Variants in COPA observed in about 807,000 individuals in gnomAD.
COPA encodes coat protein complex I subunit alpha, also known as coatomer subunit alpha.
COPA carries 10 observed loss-of-function variants against 158.7 expected under a neutral mutation model. The observed-to-expected ratio is 0.06, with a 90% CI of 0.04 to 0.11. The LOEUF is 0.11. Ranked by LOEUF, COPA falls within the 10% of genes least tolerant of loss-of-function variation. The pLI, the probability that COPA is intolerant of heterozygous loss-of-function variation, is 1.00. For synonymous variants in COPA, 462 were observed against 542.8 expected, an observed-to-expected ratio of 0.85 and a Z score of 2.07; for missense variants, 1,065 against 1,536.7, an observed-to-expected ratio of 0.69 and a Z score of 5.13.
chr1:160,339,780 T>C (rs534000909), intron 3 of COPA, 129 bp downstream of exon 3: 2 of 747,308 alleles, frequency 2.7e-6, no homozygotes, highest in Non-Finnish European at 4.4e-6. Context: ...GAGTAAGTTC[T>C]CCGGATAATG....
At chr1:160,290,444 TCCCC>T in intron 32 of COPA, 44 bp downstream of exon 32, 1 of 1,572,568 alleles carries the variant, frequency 6.4e-7, no homozygotes, top group Non-Finnish European at 8.7e-7. Flanking sequence ...TCTTTCTTTT[TCCCC>T]TTCGCTCAAT....
At chr1:160,321,964 C>T (rs1026636470) in intron 8 of COPA, among the ~76,000 whole-genome samples, 5 of 151,908 alleles carry the variant, frequency 3.3e-5, no homozygotes, top group Non-Finnish European at 7.4e-5. Context: ...GAAGAGGACC[C>T]CCAAAAATGG....
rs1384001854 is a variant in COPA at position 160,291,361 on chromosome 1, C to G, written c.3394G>C (p.Gly1132Arg). ...ATFARRLLEL[G>R]PKPEVAQQTR... ...TGTTGGGCCACCTCAGGCTTGGGCC[C>G]GAGTTCTAGTAGGCGCCGAGCAAAG... The change falls in exon 31 of 33, where the codon GGG becomes CGG. Residue 1132 changes from glycine to arginine, a missense_variant. By Grantham distance (125) the Gly-to-Arg change is moderately radical. Transcript: ENST00000241704. 3.1e-6 allele frequency: 5 copies of G among 1,613,822 alleles called. No homozygotes were observed. The highest frequency in any genetic ancestry group is 4.2e-6 in the Non-Finnish European group (5 of 1,179,928).
At chr1:160,321,096 CA>C (rs1288582549) in intron 8 of COPA, among the ~76,000 whole-genome samples, 3 of 151,942 alleles carry the variant, frequency 2.0e-5, no homozygotes, top group African/African-American at 7.2e-5. Flanking sequence ...AAATAAAAAC[CA>C]TATGATAGTT....
At chr1:160,291,259 G>A in intron 31 of COPA, 76 bp downstream of exon 31, 2 of 1,501,238 alleles carry the variant, frequency 1.3e-6, no homozygotes, top group Non-Finnish European at 1.8e-6. Context: ...TGTTTCAGAG[G>A]CAAGGACCTT....
intron 3 of COPA, chr1:160,339,685 A>G (rs1296400226): frequency 4.2e-6 from 2 of 472,814 alleles, no homozygotes; most frequent in East Asian, 7.0e-5. Context: ...CTCCTTGAAA[A>G]CAGAAGCCAT....
chr1:160,306,455 C>A lies in COPA; in HGVS notation c.1341G>T (p.Lys447Asn), dbSNP rs202149494. ...IKNLKNEITK[K>N]VQVPNCDEIF... ...TCTCATCACAGTTGGGCACCTGTAC[C>A]TTTTTGGTGATCTCATTCTTCAGAT... Residue 447 changes from lysine to asparagine, a missense_variant, in exon 15 of 33, where the codon AAG becomes AAT. Transcript: ENST00000241704. The A allele has an allele frequency of 6.2e-7, 1 of 1,614,176 alleles. No individual in the cohort carries two copies. The highest frequency in any genetic ancestry group is 1.3e-5 in the African/African-American group (1 of 75,034).
chr1:160,325,952 C>T lies in COPA; in HGVS notation c.497-300G>A, dbSNP rs138044005. 1.9e-3 allele frequency among the ~76,000 whole-genome samples: 294 copies of T among 152,368 alleles called. 2 individuals carry two copies. Among genetic ancestry groups the T allele is most frequent in the African/African-American group, 6.5e-3 (270 of 41,588 alleles). On this transcript the variant is annotated intron_variant, in intron 6 of 32. Coordinates refer to ENST00000241704, the MANE Select transcript of COPA (RefSeq NM_004371.4). ...ACCTCTTCTTCCACAAATCTTACCT[C>T]AAGAGGTGTCTGCTTCAGTTAATGC...
chr1:160,292,709 C>A, intron 27 of COPA, 89 bp from the exon 28 acceptor site: 1 of 1,067,894 alleles, frequency 9.4e-7, no homozygotes, highest in South Asian at 1.6e-5. Context: ...TCTCTGTTCA[C>A]GTTTCCTCAT....
intron 3 of COPA, among the ~76,000 whole-genome samples, chr1:160,337,583 G>T (rs1276420375): frequency 2.0e-5 from 3 of 152,156 alleles, no homozygotes; most frequent in African/African-American, 7.2e-5. Flanking sequence ...GCCGGGCTTG[G>T]TGGCGCATGC....
At chr1:160,297,300 C>T in intron 21 of COPA, 43 bp downstream of exon 21, 1 of 1,556,512 alleles carries the variant, frequency 6.4e-7, no homozygotes, top group East Asian at 2.2e-5. Flanking sequence ...CAGAAAAATA[C>T]TTCCTCAGAC....
chr1:160,299,779 T>C (rs1012029637), intron 17 of COPA, among the ~76,000 whole-genome samples: 3 of 152,218 alleles, frequency 2.0e-5, no homozygotes, highest in Non-Finnish European at 4.4e-5. Flanking sequence ...TACATGCATA[T>C]ATTAGGAGAA....
chr1:160,328,034 CACA>C (rs1311761209), intron 6 of COPA, among the ~76,000 whole-genome samples: 1 of 152,184 alleles, frequency 6.6e-6, no homozygotes, highest in Non-Finnish European at 1.5e-5. Flanking sequence ...CTTAGAAGGC[CACA>C]ACAATTTTAA....
At chr1:160,296,855 T>C (rs1461256049) in intron 21 of COPA, among the ~76,000 whole-genome samples, 1 of 152,198 alleles carries the variant, frequency 6.6e-6, no homozygotes, top group African/African-American at 2.4e-5. Flanking sequence ...AAATATATCC[T>C]GAATCTGACC....
intron 12 of COPA, 119 bp downstream of exon 12, chr1:160,310,073 A>G (rs967220344): frequency 3.6e-6 from 2 of 557,902 alleles, no homozygotes; most frequent in Non-Finnish European, 6.2e-6. Context: ...TCACTGTGTC[A>G]GCTCTCACAA....
chr1:160,319,174 A>G (rs963440075), intron 8 of COPA, among the ~76,000 whole-genome samples: 2 of 152,140 alleles, frequency 1.3e-5, no homozygotes, highest in South Asian at 4.1e-4. Context: ...ACATAGACTG[A>G]AAACGAAGGA....
chr1:160,325,660 G>A lies in COPA; in HGVS notation c.497-8C>T. 2 of 1,602,898 alleles carry A rather than the reference G, an allele frequency of 1.2e-6. No individual in the cohort carries two copies. Among genetic ancestry groups the A allele is most frequent in the Non-Finnish European group, 1.7e-6 (2 of 1,169,816 alleles). ...GGTTTTTTTTCCTCAGACCTTTGAA[G>A]GGATAAGGAGTGGGATGAAAGATGT... On this transcript the variant is annotated splice_polypyrimidine_tract_variant and splice_region_variant and intron_variant, in intron 6 of 32. Coordinates refer to ENST00000241704, the MANE Select transcript of COPA (RefSeq NM_004371.4).
intron 9 of COPA, 67 bp from the exon 10 acceptor site, chr1:160,313,234 A>G (rs762434481): frequency 2.1e-6 from 3 of 1,399,130 alleles, no homozygotes; most frequent in Non-Finnish European, 2.0e-6. Context: ...CTACACAAGA[A>G]TATTAAATGG....
At chr1:160,312,959 G>A in intron 10 of COPA, 126 bp downstream of exon 10, 2 of 764,070 alleles carry the variant, frequency 2.6e-6, no homozygotes, top group Non-Finnish European at 4.2e-6. Flanking sequence ...TCAACTAAGT[G>A]GCTCTGAGAG....
Sources: gnomAD v4.1 joint callset for allele counts (sites outside exome capture counted in the v4.1 genomes callset) on GRCh38, gnomAD v4.1.1 for gene constraint, MANE v1.5 for transcripts, NCBI Gene and HGNC (gene_info 2026-07-23, HGNC 2026-07-21) for gene names.